The following COMMD10 variants were observed in gnomAD, a reference collection of about 807,000 sequenced individuals.
COMMD10 encodes COMM domain containing 10.
In COMMD10, 33 loss-of-function variants were observed where a neutral mutation model predicts 28.9. The ratio of observed to expected loss-of-function variants is 1.14; its 90% CI spans 0.87 to 1.53. The LOEUF is 1.53. Among genes scored for constraint, COMMD10 ranks in the 40% most tolerant of loss-of-function variants. The probability of loss-of-function intolerance (pLI) is 0.00; values close to 1 mark genes in which losing one functional copy is unlikely to be tolerated. For synonymous variants in COMMD10, 110 were observed against 81.7 expected (o/e 1.35, Z -1.87); for missense variants, 310 against 233.4 (o/e 1.33, Z -2.14).
intron 5 of COMMD10, among the ~76,000 whole-genome samples, chr5:116,286,597 G>T (rs1751225912): frequency 1.3e-5 from 2 of 151,408 alleles, no homozygotes; most frequent in Non-Finnish European, 2.9e-5. Context: ...CCCAGTTCCA[G>T]TTCCCCTTAT....
chr5:116,187,155 A>G (rs1748164858), intron 5 of COMMD10, among the ~76,000 whole-genome samples: 1 of 152,192 alleles, frequency 6.6e-6, no homozygotes, highest in Non-Finnish European at 1.5e-5. Context: ...TGTTCAAAAG[A>G]GACCCCAGAA....
At chr5:116,135,750 G>GA (rs1317458916) in intron 5 of COMMD10, among the ~76,000 whole-genome samples, 1 of 152,082 alleles carries the variant, frequency 6.6e-6, no homozygotes. Flanking sequence ...GTATATATGG[G>GA]AAAAAACAGT....
chr5:116,238,192 A>T (rs928369387), intron 5 of COMMD10, among the ~76,000 whole-genome samples: 2 of 152,200 alleles, frequency 1.3e-5, no homozygotes, highest in Admixed American at 6.5e-5. Flanking sequence ...ATTTCTTAAA[A>T]TACCATTTTC....
At chr5:116,211,270 T>A (rs1023330026) in intron 5 of COMMD10, among the ~76,000 whole-genome samples, 4 of 152,100 alleles carry the variant, frequency 2.6e-5, no homozygotes, top group Admixed American at 6.6e-5. Context: ...TGTGCAAACA[T>A]CATAGAGTAT....
intron 5 of COMMD10, chr5:116,217,919 A>G (rs1749147861): frequency 4.4e-6 from 3 of 684,792 alleles, no homozygotes; most frequent in African/African-American, 1.8e-5. Context: ...TAGCTCAAAA[A>G]AAAAAAGTAA....
intron 5 of COMMD10, among the ~76,000 whole-genome samples, chr5:116,200,289 T>C (rs1420628677): frequency 6.6e-6 from 1 of 152,106 alleles, no homozygotes; most frequent in African/African-American, 2.4e-5. Flanking sequence ...AAAAATTGGA[T>C]GTAATTATCT....
At chr5:116,276,034 C>T (rs1317522908) in intron 5 of COMMD10, among the ~76,000 whole-genome samples, 2 of 150,948 alleles carry the variant, frequency 1.3e-5, no homozygotes, top group South Asian at 2.1e-4. Context: ...GTAAAATGAT[C>T]GTAAGTACTA....
At chr5:116,163,924 G>A (rs772328056) in intron 5 of COMMD10, among the ~76,000 whole-genome samples, 5 of 152,124 alleles carry the variant, frequency 3.3e-5, no homozygotes, top group African/African-American at 4.8e-5. Context: ...GTAAATAAAC[G>A]TAGTTTCTAC....
chr5:116,134,542 A>G (rs1382616754), intron 5 of COMMD10, among the ~76,000 whole-genome samples: 1 of 152,222 alleles, frequency 6.6e-6, no homozygotes, highest in Non-Finnish European at 1.5e-5. Flanking sequence ...AATAAATATG[A>G]TGGTGACCTG....
At chr5:116,241,796 T>C (rs1378713140) in intron 5 of COMMD10, among the ~76,000 whole-genome samples, 1 of 151,354 alleles carries the variant, frequency 6.6e-6, no homozygotes, top group African/African-American at 2.4e-5. Flanking sequence ...GTATTTTCTT[T>C]TTAGTAGAGA....
chr5:116,120,762 T>A (rs905657633), intron 4 of COMMD10, among the ~76,000 whole-genome samples: 2 of 141,342 alleles, frequency 1.4e-5, no homozygotes, highest in African/African-American at 2.6e-5. Context: ...TTTTTTTTTT[T>A]ATTACAGAGT....
At chr5:116,201,150 G>A (rs779051432) in intron 5 of COMMD10, among the ~76,000 whole-genome samples, 2 of 152,116 alleles carry the variant, frequency 1.3e-5, no homozygotes, top group African/African-American at 2.4e-5. Context: ...TTTCCTTCCT[G>A]TAAGTCAGTT....
chr5:116,220,864 T>C (rs1480515187), intron 5 of COMMD10, among the ~76,000 whole-genome samples: 2 of 152,042 alleles, frequency 1.3e-5, no homozygotes, highest in Non-Finnish European at 2.9e-5. Context: ...CTTATAAAAT[T>C]AATCAGGGAA....
Position 116,156,406 on chromosome 5 carries a change from A to G in COMMD10, c.510+22228A>G, listed in dbSNP as rs186027379. The stretch of plus-strand genomic sequence containing the variant: ...GGAAATTAAATATGACAGCAAATAT[A>G]AAAGCATCTATTACAGTACAGTTTC... On this transcript the variant is annotated intron_variant, in intron 5 of 6. Transcript: ENST00000274458. 2.6e-3 allele frequency among the ~76,000 whole-genome samples: 400 copies of G among 152,298 alleles called. 1 individual carries two copies. Among genetic ancestry groups the G allele is most frequent in the Non-Finnish European group, 4.0e-3 (273 of 67,996 alleles).
At chr5:116,255,184 A>G (rs1162543207) in intron 5 of COMMD10, among the ~76,000 whole-genome samples, 1 of 151,624 alleles carries the variant, frequency 6.6e-6, no homozygotes, top group Non-Finnish European at 1.5e-5. Flanking sequence ...TTTTGAGCCT[A>G]TGTGTGTCTC....
At chr5:116,154,294 G>A (rs1177245943) in intron 5 of COMMD10, among the ~76,000 whole-genome samples, 1 of 152,086 alleles carries the variant, frequency 6.6e-6, no homozygotes, top group Non-Finnish European at 1.5e-5. Context: ...TTGTTTAATT[G>A]ATGATGAGAT....
At chr5:116,175,722 C>G (rs1181782513) in intron 5 of COMMD10, among the ~76,000 whole-genome samples, 4 of 152,074 alleles carry the variant, frequency 2.6e-5, no homozygotes, top group African/African-American at 9.7e-5. Context: ...CCATACGTTG[C>G]AACATGGATG....
intron 5 of COMMD10, among the ~76,000 whole-genome samples, chr5:116,159,426 T>A (rs1270409310): frequency 6.6e-6 from 1 of 152,184 alleles, no homozygotes; most frequent in Non-Finnish European, 1.5e-5. Context: ...TACTCAAGTA[T>A]CATTGGAGAG....
intron 4 of COMMD10, among the ~76,000 whole-genome samples, chr5:116,111,890 T>C (rs1751056039): frequency 6.6e-6 from 1 of 152,206 alleles, no homozygotes; most frequent in African/African-American, 2.4e-5. Flanking sequence ...TATTATTGTT[T>C]TTCTGTCTAA....
Sources: allele counts gnomAD v4.1 joint callset (sites outside exome capture counted in the v4.1 genomes callset), GRCh38; gene constraint gnomAD v4.1.1; transcripts MANE v1.5; gene names NCBI Gene and HGNC (gene_info 2026-07-23, HGNC 2026-07-21).